FBXL7: variants seen among roughly 807,000 people sequenced by gnomAD.
FBXL7 encodes the protein F-box and leucine rich repeat protein 7.
FBXL7 carries 12 observed loss-of-function variants against 38.3 expected under a neutral mutation model. That is an observed-to-expected ratio of 0.31 (90% CI 0.20 to 0.51). The LOEUF (loss-of-function observed/expected upper bound fraction) is 0.51, where lower values mean the gene tolerates loss of function less well. Among genes scored for constraint, FBXL7 ranks in the 20% least tolerant of loss-of-function variants. The pLI is 0.98. For missense variants in FBXL7, 567 were observed against 676.4 expected (o/e 0.84, Z 1.79); for synonymous variants, 297 against 300.9 (o/e 0.99, Z 0.13).
intron 1 of FBXL7, chr5:15,580,773 C>A: frequency 1.0e-6 from 1 of 985,386 alleles, no homozygotes; most frequent in Non-Finnish European, 1.2e-6. Flanking sequence ...TCCAGACCGT[C>A]AAGGGTCCTG....
intron 2 of FBXL7, among the ~76,000 whole-genome samples, chr5:15,697,188 G>A (rs1743367503): frequency 6.6e-6 from 1 of 152,092 alleles, no homozygotes; most frequent in African/African-American, 2.4e-5. Flanking sequence ...TGATTTCTAG[G>A]GGAGTTTGGT....
intron 2 of FBXL7, among the ~76,000 whole-genome samples, chr5:15,865,262 A>T (rs903367442): frequency 3.3e-5 from 5 of 152,132 alleles, no homozygotes; most frequent in Non-Finnish European, 7.4e-5. Flanking sequence ...CTACGAGCTG[A>T]AGGAAGGGCT....
At chr5:15,847,939 G>C (rs1019440194) in intron 2 of FBXL7, among the ~76,000 whole-genome samples, 57 of 152,296 alleles carry the variant, frequency 3.7e-4, no homozygotes, top group African/African-American at 1.4e-3. Context: ...ACCTAAGTTT[G>C]AAAGGGGACG....
At chr5:15,808,273 T>A (rs1579480986) in intron 2 of FBXL7, among the ~76,000 whole-genome samples, 1 of 152,136 alleles carries the variant, frequency 6.6e-6, no homozygotes, top group East Asian at 1.9e-4. Flanking sequence ...TCCACAGATC[T>A]CTTGTAGGTC....
intron 2 of FBXL7, among the ~76,000 whole-genome samples, chr5:15,618,138 T>G (rs534570575): frequency 3.9e-5 from 6 of 152,282 alleles, no homozygotes; most frequent in African/African-American, 9.6e-5. Flanking sequence ...CTTTCCCTTA[T>G]GAGGAGGTGC....
intron 1 of FBXL7, among the ~76,000 whole-genome samples, chr5:15,569,443 A>T (rs1738693770): frequency 6.6e-6 from 1 of 151,546 alleles, no homozygotes; most frequent in Non-Finnish European, 1.5e-5. Context: ...TTGATTTTGT[A>T]TCCTGAGACT....
chr5:15,716,555 C>G (rs1339079918), intron 2 of FBXL7, among the ~76,000 whole-genome samples: 1 of 152,150 alleles, frequency 6.6e-6, no homozygotes, highest in Non-Finnish European at 1.5e-5. Context: ...TGTGGTCAAG[C>G]CTTTCTCACC....
At position 15,925,052 on chromosome 5, in the gene FBXL7, T is replaced by G. The variant is rs145151848; in HGVS notation, c.128-2838T>G. Among the ~76,000 whole-genome samples, 6 of 150,950 alleles carry G rather than the reference T, an allele frequency of 4.0e-5. No individual in the cohort carries two copies. The South Asian group carries it at 1.3e-3, about 32-fold the overall frequency. ...GTCACATGGACAAGCCCTATGTCAC[T>G]AGAATGAGGAAATATACTCTGTCTG... is the stretch of plus-strand genomic sequence containing the variant. On this transcript the variant is annotated intron_variant, in intron 2 of 3. Transcript: ENST00000504595.
intron 2 of FBXL7, among the ~76,000 whole-genome samples, chr5:15,752,187 GGA>G (rs958229610): frequency 8.5e-5 from 13 of 152,086 alleles, no homozygotes; most frequent in Non-Finnish European, 1.6e-4. Context: ...GATAACATTA[GGA>G]GAAATAACTA....
At chr5:15,605,670 C>G (rs891196) in intron 1 of FBXL7, among the ~76,000 whole-genome samples, 1 of 152,126 alleles carries the variant, frequency 6.6e-6, no homozygotes, top group African/African-American at 2.4e-5. Context: ...GATGGTTGCA[C>G]GCATTATGAA....
intron 1 of FBXL7, among the ~76,000 whole-genome samples, chr5:15,564,083 C>T (rs186670950): frequency 6.6e-6 from 1 of 152,182 alleles, no homozygotes; most frequent in Non-Finnish European, 1.5e-5. Context: ...TTTCTGCAGT[C>T]CTTTCTGGTA....
chr5:15,555,784 G>GAGATAGATACAT (rs369000608), intron 1 of FBXL7, among the ~76,000 whole-genome samples: 12 of 139,692 alleles, frequency 8.6e-5, no homozygotes, highest in Admixed American at 8.5e-4. Flanking sequence ...AAGGGTAGAT[G>GAGATAGATACAT]AGATAGATAG....
At chr5:15,798,484 T>C (rs1441517363) in intron 2 of FBXL7, among the ~76,000 whole-genome samples, 1 of 152,184 alleles carries the variant, frequency 6.6e-6, no homozygotes, top group Non-Finnish European at 1.5e-5. Flanking sequence ...TTAAGTAACA[T>C]TTTCCCAAAA....
At chr5:15,536,161 A>G (rs1202440008) in intron 1 of FBXL7, among the ~76,000 whole-genome samples, 1 of 152,218 alleles carries the variant, frequency 6.6e-6, no homozygotes, top group African/African-American at 2.4e-5. Context: ...CAGAGTATGT[A>G]TGCAAACGTC....
At position 15,500,476 on chromosome 5, in the gene FBXL7, C is replaced by T; in HGVS notation, c.-201C>T. On this transcript the variant is annotated 5_prime_UTR_variant, in exon 1 of 4. Coordinates refer to ENST00000504595, the MANE Select transcript of FBXL7 (RefSeq NM_012304.5). Reference sequence around the variant, plus strand: ...CAGCTGTGCCCGGCCCCGCCTGGAGCCACCGGGGGTGCCAGGAGGGGACGC... The same window carrying T: ...CAGCTGTGCCCGGCCCCGCCTGGAGTCACCGGGGGTGCCAGGAGGGGACGC... 1 of 671,934 alleles carries T rather than the reference C, an allele frequency of 1.5e-6. No individual in the cohort carries two copies. Among genetic ancestry groups the T allele is most frequent in the Non-Finnish European group, 2.6e-6 (1 of 383,498 alleles). 41.6% of individuals were successfully genotyped at this position (671,934 alleles called of 1,614,324 possible).
intron 2 of FBXL7, among the ~76,000 whole-genome samples, chr5:15,618,980 C>T (rs889156016): frequency 3.9e-5 from 6 of 152,140 alleles, no homozygotes; most frequent in African/African-American, 1.2e-4. Context: ...AAGCAGGCAC[C>T]TGAAAATTAA....
intron 2 of FBXL7, among the ~76,000 whole-genome samples, chr5:15,731,419 T>G (rs377289406): frequency 5.3e-5 from 8 of 152,078 alleles, no homozygotes; most frequent in African/African-American, 1.7e-4. Context: ...ACCCATTCAC[T>G]ATCACAGGAA....
chr5:15,766,190 A>C (rs1418871821), intron 2 of FBXL7, among the ~76,000 whole-genome samples: 2 of 152,176 alleles, frequency 1.3e-5, no homozygotes, highest in African/African-American at 4.8e-5. Context: ...CCAAATACGG[A>C]ATGCCTTACA....
intron 2 of FBXL7, among the ~76,000 whole-genome samples, chr5:15,844,110 G>C (rs550151976): frequency 4.6e-5 from 7 of 152,246 alleles, no homozygotes; most frequent in Admixed American, 2.0e-4. Flanking sequence ...TAGCACAGGA[G>C]GGGGGACACA....
Sources: allele counts gnomAD v4.1 joint callset (sites outside exome capture counted in the v4.1 genomes callset), GRCh38; gene constraint gnomAD v4.1.1; transcripts MANE v1.5; gene names NCBI Gene and HGNC (gene_info 2026-07-23, HGNC 2026-07-21).